Variants in RNF150 observed in about 807,000 individuals in gnomAD.
RNF150 encodes ring finger protein 150.
In RNF150, 24 loss-of-function variants were observed where a neutral mutation model predicts 39.3. The ratio of observed to expected loss-of-function variants is 0.61; its 90% CI spans 0.44 to 0.86. RNF150 has a LOEUF of 0.86. Ranked by LOEUF, RNF150 falls within the 40% of genes least tolerant of loss-of-function variation. The pLI is 0.00. For synonymous variants in RNF150, 255 were observed against 227.3 expected (o/e 1.12, Z -1.10); for missense variants, 502 against 587.8 (o/e 0.85, Z 1.51).
intron 1 of RNF150, among the ~76,000 whole-genome samples, chr4:141,186,491 C>T (rs562972653): frequency 7.9e-5 from 12 of 152,196 alleles, no homozygotes; most frequent in African/African-American, 2.2e-4. Context: ...CTCCGCCTCC[C>T]GGGTTCGTGC....
At chr4:141,186,660 C>G (rs567478708) in intron 1 of RNF150, among the ~76,000 whole-genome samples, 1 of 152,212 alleles carries the variant, frequency 6.6e-6, no homozygotes, top group African/African-American at 2.4e-5. Context: ...CTGCCTCAGC[C>G]TCCCAAAGTG....
intron 1 of RNF150, among the ~76,000 whole-genome samples, chr4:141,081,779 C>T (rs1357308461): frequency 1.3e-5 from 2 of 152,266 alleles, no homozygotes; most frequent in African/African-American, 4.8e-5. Context: ...AGACACTTTT[C>T]ATGTATGTTT....
chr4:141,007,869 TC>T (rs1294376810), intron 1 of RNF150, among the ~76,000 whole-genome samples: 4 of 152,208 alleles, frequency 2.6e-5, no homozygotes, highest in African/African-American at 7.2e-5. Flanking sequence ...ACAGTAGGTA[TC>T]CCTGCATGAA....
At chr4:141,010,597 C>T (rs1330649379) in intron 1 of RNF150, among the ~76,000 whole-genome samples, 1 of 152,184 alleles carries the variant, frequency 6.6e-6, no homozygotes, top group East Asian at 1.9e-4. Flanking sequence ...CCAGGCTCCT[C>T]GTTGTTCTGC....
At chr4:141,080,265 T>A (rs1738098436) in intron 1 of RNF150, among the ~76,000 whole-genome samples, 1 of 152,210 alleles carries the variant, frequency 6.6e-6, no homozygotes, top group Admixed American at 6.5e-5. Flanking sequence ...CTGAAATTCA[T>A]CTATTCTCCT....
chr4:141,182,026 G>A (rs911428637), intron 1 of RNF150, among the ~76,000 whole-genome samples: 1 of 152,068 alleles, frequency 6.6e-6, no homozygotes, highest in African/African-American at 2.4e-5. Context: ...GATTTAGATG[G>A]ACTAACATGA....
At chr4:141,100,063 TA>T (rs1046814518) in intron 1 of RNF150, among the ~76,000 whole-genome samples, 4 of 152,104 alleles carry the variant, frequency 2.6e-5, no homozygotes, top group Non-Finnish European at 4.4e-5. Context: ...CTTAGAATGC[TA>T]AAAAAATTTT....
At chr4:141,042,757 A>AT (rs928178539) in intron 1 of RNF150, among the ~76,000 whole-genome samples, 2 of 152,060 alleles carry the variant, frequency 1.3e-5, no homozygotes, top group Non-Finnish European at 2.9e-5. Context: ...TCACACATTC[A>AT]TTCTTATTCT....
intron 6 of RNF150, among the ~76,000 whole-genome samples, chr4:140,905,198 A>G (rs1730329784): frequency 6.6e-6 from 1 of 152,194 alleles, no homozygotes; most frequent in Non-Finnish European, 1.5e-5. Context: ...TTTGAAAAGT[A>G]TTCACATACA....
At chr4:141,165,795 A>G (rs1727589052) in intron 1 of RNF150, among the ~76,000 whole-genome samples, 2 of 152,196 alleles carry the variant, frequency 1.3e-5, no homozygotes, top group African/African-American at 4.8e-5. Context: ...GCACAACTAA[A>G]GCAATGTTTA....
intron 1 of RNF150, among the ~76,000 whole-genome samples, chr4:141,201,102 C>T (rs967144965): frequency 5.1e-5 from 4 of 77,670 alleles, no homozygotes; most frequent in Non-Finnish European, 1.0e-4. Context: ...AGATCTTTAC[C>T]AATCTTTACC....
intron 1 of RNF150, among the ~76,000 whole-genome samples, chr4:141,109,580 T>C (rs1432095696): frequency 6.6e-6 from 1 of 151,900 alleles, no homozygotes; most frequent in African/African-American, 2.4e-5. Flanking sequence ...GGAAATTCTT[T>C]AGAAAAGAGG....
chr4:140,911,687 C>T (rs1730612841), intron 5 of RNF150, among the ~76,000 whole-genome samples: 1 of 152,084 alleles, frequency 6.6e-6, no homozygotes, highest in South Asian at 2.1e-4. Flanking sequence ...ACAATGAAGG[C>T]ACTTCCTTAC....
chr4:140,992,348 T>G (rs1329674391), intron 1 of RNF150, among the ~76,000 whole-genome samples: 1 of 151,648 alleles, frequency 6.6e-6, no homozygotes, highest in East Asian at 1.9e-4. Context: ...CAAACCTGGG[T>G]GAAGAGTGAG....
rs989998470 is a variant in RNF150 at position 140,860,765 on chromosome 4, A to C, written c.*7496T>G. ...TGCAGATTTTTTTCTAGTGGGAAATAATATGCTGTACAAAGTGGTTAAAAT... is the reference window on the plus strand; with the variant it reads ...TGCAGATTTTTTTCTAGTGGGAAATCATATGCTGTACAAAGTGGTTAAAAT... On this transcript the variant is annotated 3_prime_UTR_variant, in exon 7 of 7. Transcript: ENST00000515673. 1.3e-5 allele frequency: 2 copies of C among 152,196 alleles called. No homozygotes were observed. The highest frequency in any genetic ancestry group is 4.8e-5 in the African/African-American group (2 of 41,438). 9.4% of individuals were successfully genotyped at this position (152,196 alleles called of 1,614,324 possible).
chr4:141,192,688 C>T (rs1728129157), intron 1 of RNF150, among the ~76,000 whole-genome samples: 1 of 152,190 alleles, frequency 6.6e-6, no homozygotes. Flanking sequence ...TCCCGCACAA[C>T]GCAGAAGCAA....
chr4:141,024,677 C>A (rs535767382), intron 1 of RNF150, among the ~76,000 whole-genome samples: 1 of 152,124 alleles, frequency 6.6e-6, no homozygotes, highest in Non-Finnish European at 1.5e-5. Context: ...ATCCGGTGAG[C>A]AGAGCTACAG....
intron 1 of RNF150, among the ~76,000 whole-genome samples, chr4:141,066,070 A>G (rs1005773362): frequency 6.6e-6 from 1 of 151,880 alleles, no homozygotes; most frequent in Non-Finnish European, 1.5e-5. Context: ...CGCCCTCAAC[A>G]CTATTTGACT....
intron 5 of RNF150, among the ~76,000 whole-genome samples, chr4:140,918,219 C>CA (rs1730929890): frequency 6.6e-6 from 1 of 151,998 alleles, no homozygotes; most frequent in Non-Finnish European, 1.5e-5. Flanking sequence ...AATAGAGACA[C>CA]AAAAAACCCT....
Sources: gnomAD v4.1 joint callset for allele counts (sites outside exome capture counted in the v4.1 genomes callset) on GRCh38, gnomAD v4.1.1 for gene constraint, MANE v1.5 for transcripts, NCBI Gene and HGNC (gene_info 2026-07-23, HGNC 2026-07-21) for gene names.